ANKDD1B: variants seen among roughly 807,000 people sequenced by gnomAD.
ANKDD1B encodes the protein ankyrin repeat and death domain-containing protein 1B.
In ANKDD1B, 57 loss-of-function variants were observed where a neutral mutation model predicts 59.7. That is an observed-to-expected ratio of 0.95 (90% CI 0.77 to 1.19). ANKDD1B has a LOEUF of 1.19. ANKDD1B is among the 50% of genes most tolerant of loss of function. The pLI is 0.00. For missense variants in ANKDD1B, 602 were observed against 641.9 expected (o/e 0.94, Z 0.67); for synonymous variants, 216 against 239.5 (o/e 0.90, Z 0.91).
chr5:75,619,885 A>C (rs1773801508), intron 2 of ANKDD1B, among the ~76,000 whole-genome samples: 1 of 152,214 alleles, frequency 6.6e-6, no homozygotes, highest in Non-Finnish European at 1.5e-5. Flanking sequence ...AAAAACTTAG[A>C]GAAGAACGAA....
rs1416685616 is a variant in ANKDD1B, at chr5:75,648,203, GTAAC to G, written c.799-4934_799-4931del. On this transcript the variant is annotated intron_variant, in intron 7 of 13. Coordinates refer to ENST00000601380, the MANE Select transcript of ANKDD1B (RefSeq NM_001276713.2). Reference sequence around the variant, plus strand: ...ACCAGCATGGCACATGTATACATATGTAACTAACCTGCACAATGTGCACATGTAC... The same window carrying G: ...ACCAGCATGGCACATGTATACATATGTAACCTGCACAATGTGCACATGTAC... Among the ~76,000 whole-genome samples, 144 of 113,016 alleles carry G rather than the reference GTAAC, an allele frequency of 1.3e-3. 2 individuals carry two copies. Among genetic ancestry groups the G allele is most frequent in the African/African-American group, 4.9e-3 (135 of 27,354 alleles). 74.1% of individuals were successfully genotyped at this position (113,016 alleles called of 152,430 possible).
chr5:75,637,240 C>CAAAAAAAAAAAAAAAAAAAAAAAAAAAAA lies in ANKDD1B; in HGVS notation c.798+1363_798+1391dup, dbSNP rs55640131. On this transcript the variant is annotated intron_variant, in intron 7 of 13. Coordinates refer to ENST00000601380, the MANE Select transcript of ANKDD1B (RefSeq NM_001276713.2). ...AGCCTGGGCGACAGAGACTCTGTCT[C>CAAAAAAAAAAAAAAAAAAAAAAAAAAAAA]AAAAAAAAAAAAAAAAAAAAAAAAA... 4.3e-5 allele frequency among the ~76,000 whole-genome samples: 3 copies of CAAAAAAAAAAAAAAAAAAAAAAAAAAAAA among 69,936 alleles called. 1 individual carries two copies. The highest frequency in any genetic ancestry group is 1.4e-4 in the African/African-American group (2 of 14,782). The allele number at this position is 69,936 out of a possible 152,430, so 45.9% of individuals were successfully genotyped here.
chr5:75,617,798 A>C (rs1257866857), intron 2 of ANKDD1B, among the ~76,000 whole-genome samples: 1 of 152,002 alleles, frequency 6.6e-6, no homozygotes, highest in Non-Finnish European at 1.5e-5. Context: ...TTTAAGGAAG[A>C]CTCCCTAAAT....
At chr5:75,627,216 A>G (rs962130812) in intron 5 of ANKDD1B, among the ~76,000 whole-genome samples, 3 of 152,168 alleles carry the variant, frequency 2.0e-5, no homozygotes, top group African/African-American at 4.8e-5. Flanking sequence ...TTCTCCATCT[A>G]TACAATGGAA....
rs138058198 is a variant in ANKDD1B at position 75,631,005 on chromosome 5, G to A, written c.601-3893G>A. ...CTACCTGAATCATATGCCCAATCTC[G>A]AACCAATCACTGTGACGACAGGGTT... On this transcript the variant is annotated intron_variant, in intron 5 of 13. Transcript: ENST00000601380. 1.0e-3 allele frequency among the ~76,000 whole-genome samples: 159 copies of A among 152,196 alleles called. 1 individual carries two copies. Among genetic ancestry groups the A allele is most frequent in the Admixed American group, 7.5e-3 (114 of 15,282 alleles).
chr5:75,627,843 ACTT>A (rs1774033401), intron 5 of ANKDD1B, among the ~76,000 whole-genome samples: 1 of 152,138 alleles, frequency 6.6e-6, no homozygotes, highest in Admixed American at 6.5e-5. Context: ...AGCCTTCCCC[ACTT>A]CTTGAGTTTC....
At chr5:75,662,517 A>C (rs554935600) in intron 10 of ANKDD1B, among the ~76,000 whole-genome samples, 1 of 152,276 alleles carries the variant, frequency 6.6e-6, no homozygotes, top group African/African-American at 2.4e-5. Context: ...CTGACCATTA[A>C]TTTTAATTGT....
rs560824002 is a variant in ANKDD1B, at chr5:75,618,021, T to C, written c.297+1114T>C. ...TATAATGTGTGTGTGTGATGTGTTA[T>C]GGGTGTATATATAGTGCTCATGTTC... On this transcript the variant is annotated intron_variant, in intron 2 of 13. Transcript: ENST00000601380. Among the ~76,000 whole-genome samples, 13 of 152,028 alleles carry C rather than the reference T, an allele frequency of 8.6e-5. No homozygotes were observed. In the South Asian group the frequency reaches 2.5e-3, roughly 29 times the overall value.
chr5:75,620,189 A>G, intron 2 of ANKDD1B, 126 bp from the exon 3 acceptor site: 1 of 584,472 alleles, frequency 1.7e-6, no homozygotes, highest in Non-Finnish European at 3.0e-6. Context: ...AGGTAAAGGC[A>G]AAGAGTGGAG....
intron 7 of ANKDD1B, among the ~76,000 whole-genome samples, chr5:75,636,944 C>T (rs996504038): frequency 1.3e-5 from 2 of 151,750 alleles, no homozygotes; most frequent in African/African-American, 2.4e-5. Flanking sequence ...GGAGTGTTAG[C>T]GAGCTGGAAA....
At chr5:75,628,163 G>A (rs997034529) in intron 5 of ANKDD1B, among the ~76,000 whole-genome samples, 1 of 152,216 alleles carries the variant, frequency 6.6e-6, no homozygotes, top group Non-Finnish European at 1.5e-5. Flanking sequence ...AGATCTGTGA[G>A]TGGGTCATAC....
chr5:75,625,837 C>G lies in ANKDD1B; in HGVS notation c.496-14C>G. On this transcript the variant is annotated splice_polypyrimidine_tract_variant and intron_variant, in intron 4 of 13. Transcript: ENST00000601380. Reference sequence around the variant, plus strand: ...AGGTCACTGTCTATCTCCCCCACCCCTGGTTCTCTTCAGGATGGAATGAGC... The same window carrying G: ...AGGTCACTGTCTATCTCCCCCACCCGTGGTTCTCTTCAGGATGGAATGAGC... The G allele has an allele frequency of 6.5e-7, 1 of 1,534,542 alleles. No individual in the cohort carries two copies. The highest frequency in any genetic ancestry group is 8.7e-7 in the Non-Finnish European group (1 of 1,145,214).
intron 1 of ANKDD1B, among the ~76,000 whole-genome samples, chr5:75,612,465 G>A (rs1044806144): frequency 6.7e-6 from 1 of 149,492 alleles, no homozygotes; most frequent in Admixed American, 6.7e-5. Flanking sequence ...CAGTACTCAA[G>A]CCTCTTAACG....
chr5:75,639,572 G>A (rs1774409398), intron 7 of ANKDD1B, among the ~76,000 whole-genome samples: 1 of 152,034 alleles, frequency 6.6e-6, no homozygotes, highest in African/African-American at 2.4e-5. Context: ...TTCCCACCTT[G>A]TTGGAATGGG....
chr5:75,667,950 A>G (rs1720635444), intron 12 of ANKDD1B, among the ~76,000 whole-genome samples: 1 of 152,240 alleles, frequency 6.6e-6, no homozygotes, highest in African/African-American at 2.4e-5. Flanking sequence ...TGTGAAAAAT[A>G]GAAGATAATG....
chr5:75,635,538 T>G, intron 6 of ANKDD1B: 1 of 334,754 alleles, frequency 3.0e-6, no homozygotes, highest in Admixed American at 4.7e-5. Flanking sequence ...TGCTAGCAAT[T>G]GGTAGCAAAG....
rs920613520 is a variant in ANKDD1B at position 75,669,358 on chromosome 5, A to T, written c.1500A>T (p.Val500=). The T allele has an allele frequency of 1.6e-6, 2 of 1,232,188 alleles. No individual in the cohort carries two copies. Among genetic ancestry groups the T allele is most frequent in the Non-Finnish European group, 2.0e-6 (2 of 987,952 alleles). 76.3% of individuals were successfully genotyped at this position (1,232,188 alleles called of 1,614,324 possible). A position where few individuals can be genotyped will look rare whatever the true frequency, so the allele number is the denominator to read the frequency against. ...DPAKQLYEEL[V]HAGFPKLAEK... ...CCAAGCAACTGTATGAAGAGCTGGTACACGCAGGTTTCCCAAAACTAGCTG... is the reference window on the plus strand; with the variant it reads ...CCAAGCAACTGTATGAAGAGCTGGTTCACGCAGGTTTCCCAAAACTAGCTG... The change falls in exon 13 of 14, where the codon GTA becomes GTT. Residue 500 remains valine, a synonymous_variant. Transcript: ENST00000601380.
chr5:75,657,682 G>A (rs1049068581), intron 9 of ANKDD1B, among the ~76,000 whole-genome samples: 1 of 152,130 alleles, frequency 6.6e-6, no homozygotes, highest in African/African-American at 2.4e-5. Flanking sequence ...GCTGAGGCGG[G>A]CGGATCATGA....
intron 10 of ANKDD1B, among the ~76,000 whole-genome samples, chr5:75,662,956 A>G (rs1325494742): frequency 6.6e-6 from 1 of 152,064 alleles, no homozygotes; most frequent in Non-Finnish European, 1.5e-5. Flanking sequence ...GCTCCTCAAA[A>G]CATGGCTTCT....
Sources: allele counts gnomAD v4.1 joint callset (sites outside exome capture counted in the v4.1 genomes callset), GRCh38; gene constraint gnomAD v4.1.1; transcripts MANE v1.5; gene names NCBI Gene and HGNC (gene_info 2026-07-23, HGNC 2026-07-21).